The following ATAD2B variants were observed in gnomAD, a reference collection of about 807,000 sequenced individuals.
ATAD2B encodes the protein ATPase family AAA domain containing 2B.
A neutral mutation model predicts 167.6 loss-of-function variants in ATAD2B; 40 were observed. That is an observed-to-expected ratio of 0.24 (90% CI 0.19 to 0.31). The LOEUF (loss-of-function observed/expected upper bound fraction) is 0.31, where lower values mean the gene tolerates loss of function less well. ATAD2B is among the 10% of genes least tolerant of loss of function. ATAD2B has a pLI of 1.00. For synonymous variants in ATAD2B, 579 were observed against 596.5 expected, an observed-to-expected ratio of 0.97 and a Z score of 0.43; for missense variants, 1,242 against 1,757.2, an observed-to-expected ratio of 0.71 and a Z score of 5.24.
At chr2:23,814,691 G>A (rs938318920) in intron 17 of ATAD2B, among the ~76,000 whole-genome samples, 5 of 152,058 alleles carry the variant, frequency 3.3e-5, no homozygotes, top group African/African-American at 1.2e-4. Context: ...AAGGTACTAG[G>A]GTGGGGAGAG....
rs533412593 is a variant in ATAD2B at position 23,899,898 on chromosome 2, T to C, written c.217-3928A>G. Among the ~76,000 whole-genome samples, 26 of 150,628 alleles carry C rather than the reference T, an allele frequency of 1.7e-4. No homozygotes were observed. The East Asian group carries it at 4.3e-3, about 25-fold the overall frequency. On this transcript the variant is annotated intron_variant, in intron 1 of 27. Coordinates refer to ENST00000238789, the MANE Select transcript of ATAD2B (RefSeq NM_017552.4). ...GCCACCGCGCCCAGTAGTCCTTTCA[T>C]TTCTAATACAGTTTTCTTACTTTTT... is the stretch of plus-strand genomic sequence containing the variant.
Position 23,751,160 on chromosome 2 carries a change from A to G in ATAD2B, c.*886T>C, listed in dbSNP as rs1021174804. The G allele has an allele frequency of 1.3e-5, 2 of 152,178 alleles. No individual in the cohort carries two copies. The highest frequency in any genetic ancestry group is 2.4e-5 in the African/African-American group (1 of 41,454). The allele number at this position is 152,178 out of a possible 1,614,324, so 9.4% of individuals were successfully genotyped here. On this transcript the variant is annotated 3_prime_UTR_variant, in exon 28 of 28. Coordinates refer to ENST00000238789, the MANE Select transcript of ATAD2B (RefSeq NM_017552.4). ...TTATTTTCTAGTCATCATTGTTGGC[A>G]ATACCAAAACGTGTGCAGTTTTGTT...
intron 1 of ATAD2B, among the ~76,000 whole-genome samples, chr2:23,917,722 T>A (rs144977404): frequency 6.6e-6 from 1 of 151,698 alleles, no homozygotes; most frequent in African/African-American, 2.4e-5. Context: ...AAGCCAGTAG[T>A]TCAAAACCAG....
intron 12 of ATAD2B, among the ~76,000 whole-genome samples, chr2:23,859,633 C>T (rs1421803264): frequency 6.6e-6 from 1 of 152,066 alleles, no homozygotes; most frequent in Non-Finnish European, 1.5e-5. Context: ...TTGAGTTTGT[C>T]CCCTCCAAAA....
rs190939069 is a variant in ATAD2B at position 23,841,348 on chromosome 2, T to A, written c.1569-7270A>T. 7.9e-5 allele frequency among the ~76,000 whole-genome samples: 12 copies of A among 152,310 alleles called. No individual in the cohort carries two copies. In the East Asian group the frequency reaches 2.3e-3, roughly 29 times the overall value. On this transcript the variant is annotated intron_variant, in intron 13 of 27. Coordinates refer to ENST00000238789, the MANE Select transcript of ATAD2B (RefSeq NM_017552.4). ...TGGTTTATTTTGTCTAAAATTAATG[T>A]AGCAATACCAACTGTTAGTATTTAC...
At chr2:23,715,952 A>G in the ATAD2B span, among the ~76,000 whole-genome samples, 1 of 152,238 alleles carries the variant, frequency 6.6e-6, no homozygotes, top group African/African-American at 2.4e-5. Flanking sequence ...CCTTTATTTC[A>G]GTAACATACT....
intron 1 of ATAD2B, among the ~76,000 whole-genome samples, chr2:23,907,601 A>C (rs1041831319): frequency 6.6e-6 from 1 of 152,248 alleles, no homozygotes; most frequent in Non-Finnish European, 1.5e-5. Flanking sequence ...CTTTCTTCAC[A>C]GAATTGGAAA....
chr2:23,724,680 A>T, the ATAD2B span, among the ~76,000 whole-genome samples: 2 of 152,194 alleles, frequency 1.3e-5, no homozygotes, highest in Non-Finnish European at 2.9e-5. Context: ...GGTTAAACTC[A>T]AAGAAATCTA....
the ATAD2B span, among the ~76,000 whole-genome samples, chr2:23,709,809 A>C: frequency 6.6e-6 from 1 of 152,218 alleles, no homozygotes; most frequent in Non-Finnish European, 1.5e-5. Flanking sequence ...CCAATCATGA[A>C]GAGCTGAAAT....
At chr2:23,784,464 TAAATA>T (rs1001111576) in intron 21 of ATAD2B, among the ~76,000 whole-genome samples, 1 of 152,150 alleles carries the variant, frequency 6.6e-6, no homozygotes, top group Non-Finnish European at 1.5e-5. Context: ...AATACAACCC[TAAATA>T]AAATATTTAT....
chr2:23,745,413 G>C (rs1315723180), downstream of ATAD2B, among the ~76,000 whole-genome samples: 1 of 100,756 alleles, frequency 9.9e-6, no homozygotes, highest in Non-Finnish European at 2.3e-5. Context: ...AGGAAGGAAG[G>C]AAGGAAGGAA....
rs539364801 is a variant in ATAD2B, at chr2:23,783,070, C to A, written c.2974-42G>T. The stretch of plus-strand genomic sequence containing the variant: ...AATAAAAATTACTTCCAGTTTTTCA[C>A]ATCATCTCAGTTCATAAAAACACAA... On this transcript the variant is annotated intron_variant, in intron 21 of 27. Coordinates refer to ENST00000238789, the MANE Select transcript of ATAD2B (RefSeq NM_017552.4). 8.8e-4 allele frequency: 975 copies of A among 1,110,936 alleles called. 12 individuals carry two copies. The South Asian group carries it at 0.017, about 20-fold the overall frequency. 68.8% of individuals were successfully genotyped at this position (1,110,936 alleles called of 1,614,324 possible).
chr2:23,791,331 T>A (rs916313889), intron 19 of ATAD2B, among the ~76,000 whole-genome samples: 10 of 152,222 alleles, frequency 6.6e-5, no homozygotes, highest in African/African-American at 2.2e-4. Flanking sequence ...ATACCATAAA[T>A]TTATGTTTAA....
the ATAD2B span, among the ~76,000 whole-genome samples, chr2:23,734,024 T>C: frequency 1.3e-5 from 2 of 152,168 alleles, no homozygotes; most frequent in Admixed American, 1.3e-4. Flanking sequence ...ATTCTTTCAT[T>C]TTTTGAGATG....
chr2:23,779,026 T>G (rs1349659818), intron 22 of ATAD2B, among the ~76,000 whole-genome samples: 1 of 151,830 alleles, frequency 6.6e-6, no homozygotes, highest in Non-Finnish European at 1.5e-5. Flanking sequence ...GGGAAGGGAG[T>G]GAAATGGGGC....
At chr2:23,921,868 TC>T in intron 1 of ATAD2B, among the ~76,000 whole-genome samples, 1 of 152,162 alleles carries the variant, frequency 6.6e-6, no homozygotes, top group Non-Finnish European at 1.5e-5. Flanking sequence ...ACTTATATTT[TC>T]CCCTGCTCAT....
intron 18 of ATAD2B, among the ~76,000 whole-genome samples, chr2:23,799,462 A>G (rs987473590): frequency 6.7e-6 from 1 of 150,326 alleles, no homozygotes; most frequent in African/African-American, 2.4e-5. Context: ...AGTCCCAGCT[A>G]CTCAGGAGAC....
chr2:23,824,713 T>C (rs1407341044), intron 15 of ATAD2B, among the ~76,000 whole-genome samples: 1 of 152,214 alleles, frequency 6.6e-6, no homozygotes. Flanking sequence ...CAAGCCCCAC[T>C]GTTTTTAAGT....
At chr2:23,726,268 G>C in the ATAD2B span, among the ~76,000 whole-genome samples, 4 of 152,146 alleles carry the variant, frequency 2.6e-5, no homozygotes, top group Admixed American at 2.6e-4. Flanking sequence ...GCTGACTCCT[G>C]TGTAGTCAAA....
Sources: allele counts gnomAD v4.1 joint callset (sites outside exome capture counted in the v4.1 genomes callset), GRCh38; gene constraint gnomAD v4.1.1; transcripts MANE v1.5; gene names NCBI Gene and HGNC (gene_info 2026-07-23, HGNC 2026-07-21).